The following SYTL3 variants were observed in gnomAD, a reference collection of about 807,000 sequenced individuals.
SYTL3 encodes synaptotagmin like 3, also known as synaptotagmin-like protein 3.
SYTL3 carries 88 observed loss-of-function variants against 82.1 expected under a neutral mutation model. The ratio of observed to expected loss-of-function variants is 1.07; its 90% CI spans 0.90 to 1.28. SYTL3 has a LOEUF of 1.28. Among genes scored for constraint, SYTL3 ranks in the 50% most tolerant of loss-of-function variants. SYTL3 has a pLI of 0.00. For synonymous variants in SYTL3, 311 were observed against 289.4 expected, an observed-to-expected ratio of 1.07 and a Z score of -0.76; for missense variants, 831 against 757.6, an observed-to-expected ratio of 1.10 and a Z score of -1.14.
At chr6:158,701,543 G>A (rs1285133484) in intron 6 of SYTL3, among the ~76,000 whole-genome samples, 1 of 140,574 alleles carries the variant, frequency 7.1e-6, no homozygotes, top group Non-Finnish European at 1.5e-5. Context: ...ATGAAGAGCT[G>A]TTCTGGGGGG....
chr6:158,694,986 C>T (rs138461298), intron 6 of SYTL3, among the ~76,000 whole-genome samples: 69 of 152,216 alleles, frequency 4.5e-4, no homozygotes, highest in South Asian at 3.7e-3. Flanking sequence ...TTATCAGGTT[C>T]GTCAATATTT....
intron 3 of SYTL3, 23 bp from the exon 4 acceptor site, chr6:158,662,727 A>AT (rs978109112): frequency 2.0e-5 from 3 of 152,298 alleles, no homozygotes; most frequent in Non-Finnish European, 2.9e-5. Flanking sequence ...AAATGTTGCC[A>AT]TTTTTTGTTT....
chr6:158,653,772 A>G (rs1449812879), intron 2 of SYTL3, among the ~76,000 whole-genome samples: 1 of 152,158 alleles, frequency 6.6e-6, no homozygotes, highest in Non-Finnish European at 1.5e-5. Context: ...GTGTGTGGTG[A>G]TGACAGTCAC....
At chr6:158,753,574 C>CA (rs1179109418) in intron 13 of SYTL3, among the ~76,000 whole-genome samples, 1 of 151,452 alleles carries the variant, frequency 6.6e-6, no homozygotes, top group African/African-American at 2.4e-5. Flanking sequence ...ACTAAAAATA[C>CA]AAAAAATTAG....
At chr6:158,696,812 A>T (rs1780609041) in intron 6 of SYTL3, among the ~76,000 whole-genome samples, 2 of 152,142 alleles carry the variant, frequency 1.3e-5, no homozygotes, top group South Asian at 4.1e-4. Context: ...TGTGGTACTG[A>T]TATAAAGACG....
intron 12 of SYTL3, among the ~76,000 whole-genome samples, chr6:158,746,436 C>T (rs1436024442): frequency 8.8e-6 from 1 of 113,276 alleles, no homozygotes; most frequent in Non-Finnish European, 1.9e-5. Flanking sequence ...AGGTGTAGCA[C>T]CATTATAATA....
Position 158,744,234 on chromosome 6 carries a change from T to A in SYTL3, c.856-1246T>A, listed in dbSNP as rs181825137. ...GCCTGGTCTCAGTTGCTGTTTTTTT[T>A]TTCTATTTTATCTTTCCCTTGTGGT... On this transcript the variant is annotated intron_variant, in intron 11 of 17. Coordinates refer to ENST00000611299, the MANE Select transcript of SYTL3 (RefSeq NM_001242394.2). 1.8e-3 allele frequency among the ~76,000 whole-genome samples: 269 copies of A among 151,770 alleles called. 1 individual carries two copies. Among genetic ancestry groups the A allele is most frequent in the African/African-American group, 5.7e-3 (238 of 41,456 alleles).
In SYTL3 at chr6:158,725,662, TTTTG is replaced by T. The variant is rs755424902; in HGVS notation, c.855+29_855+32del. On this transcript the variant is annotated intron_variant, in intron 11 of 17. Transcript: ENST00000611299. ...CGTGAGTCTCATTCCAATGCTCTTT[TTTTG>T]TTTTTTTGTTTTTTGTTTTTTTGGA... is the stretch of plus-strand genomic sequence containing the variant. 6.7e-5 allele frequency: 65 copies of T among 970,260 alleles called. No homozygotes were observed. The African/African-American group carries it at 7.4e-4, about 11-fold the overall frequency. The allele number at this position is 970,260 out of a possible 1,614,324, so 60.1% of individuals were successfully genotyped here. A position where few individuals can be genotyped will look rare whatever the true frequency, so the allele number is the denominator to read the frequency against.
intron 2 of SYTL3, among the ~76,000 whole-genome samples, chr6:158,656,089 G>T (rs138507265): frequency 1.3e-3 from 198 of 152,294 alleles, no homozygotes; most frequent in African/African-American, 4.2e-3. Context: ...ATGTGTTTAC[G>T]GGAAGGGAAA....
At chr6:158,679,207 A>C (rs1778383590) in intron 5 of SYTL3, among the ~76,000 whole-genome samples, 1 of 152,008 alleles carries the variant, frequency 6.6e-6, no homozygotes, top group Non-Finnish European at 1.5e-5. Flanking sequence ...CTGTCTCTAC[A>C]AAAAATACAA....
At chr6:158,685,848 C>T (rs983794273) in intron 6 of SYTL3, among the ~76,000 whole-genome samples, 8 of 152,048 alleles carry the variant, frequency 5.3e-5, no homozygotes, top group African/African-American at 1.9e-4. Context: ...AAAACAAAAC[C>T]TTTTTGTTGG....
At position 158,713,838 on chromosome 6, in the gene SYTL3, C is replaced by A. The variant is rs766505086; in HGVS notation, c.555C>A (p.Ser185=). 2.9e-5 allele frequency: 45 copies of A among 1,550,558 alleles called. No individual in the cohort carries two copies. Among genetic ancestry groups the A allele is most frequent in the Non-Finnish European group, 3.7e-5 (43 of 1,146,702 alleles). The change falls in exon 9 of 18, where the codon TCC becomes TCA. Residue 185 remains serine (S), a synonymous_variant. Coordinates refer to ENST00000611299, the MANE Select transcript of SYTL3 (RefSeq NM_001242394.2). ...GTCAGTTTAGAGGATTTAATAAGTCCGTGGAAAATTTGTTTCTGTCTCTTG... is the reference window on the plus strand; with the variant it reads ...GTCAGTTTAGAGGATTTAATAAGTCAGTGGAAAATTTGTTTCTGTCTCTTG... ...EFGQFRGFNK[S]VENLFLSLAT...
chr6:158,744,379 TCACTG>T (rs1787349835), intron 11 of SYTL3, among the ~76,000 whole-genome samples: 1 of 136,904 alleles, frequency 7.3e-6, no homozygotes, highest in Non-Finnish European at 1.5e-5. Flanking sequence ...CACTTTCCAC[TCACTG>T]CAAGCTCCGC....
At chr6:158,656,088 C>T (rs757687458) in intron 2 of SYTL3, among the ~76,000 whole-genome samples, 4 of 152,086 alleles carry the variant, frequency 2.6e-5, no homozygotes, top group East Asian at 1.9e-4. Context: ...AATGTGTTTA[C>T]GGGAAGGGAA....
At chr6:158,696,405 G>C (rs1780567518) in intron 6 of SYTL3, among the ~76,000 whole-genome samples, 1 of 148,764 alleles carries the variant, frequency 6.7e-6, no homozygotes, top group Admixed American at 6.8e-5. Flanking sequence ...GGGTTTCACT[G>C]TGTTGGCCAG....
chr6:158,683,737 G>A (rs10452575), intron 6 of SYTL3, among the ~76,000 whole-genome samples: 21,700 of 152,164 alleles, frequency 0.14, 2,280 homozygotes, highest in African/African-American at 0.29. Flanking sequence ...CCCATATTGC[G>A]CCAAAGCACA....
intron 11 of SYTL3, among the ~76,000 whole-genome samples, chr6:158,729,750 T>C (rs1037485931): frequency 3.3e-5 from 5 of 151,854 alleles, no homozygotes; most frequent in African/African-American, 1.2e-4. Context: ...GTATTTTTAG[T>C]AGAGACAGGG....
chr6:158,743,110 C>A (rs1384818825), intron 11 of SYTL3, among the ~76,000 whole-genome samples: 1 of 152,194 alleles, frequency 6.6e-6, no homozygotes, highest in Non-Finnish European at 1.5e-5. Flanking sequence ...TTTGCCATTT[C>A]ATTTTGATTG....
At chr6:158,750,038 A>G (rs563879763) in intron 12 of SYTL3, among the ~76,000 whole-genome samples, 1 of 152,346 alleles carries the variant, frequency 6.6e-6, no homozygotes, top group South Asian at 2.1e-4. Flanking sequence ...TGACTTGTGT[A>G]TTCATTCAGT....
Sources: allele counts gnomAD v4.1 joint callset (sites outside exome capture counted in the v4.1 genomes callset), GRCh38; gene constraint gnomAD v4.1.1; transcripts MANE v1.5; gene names NCBI Gene and HGNC (gene_info 2026-07-23, HGNC 2026-07-21).